PPFIBP2: variants seen among roughly 807,000 people sequenced by gnomAD.
PPFIBP2 encodes liprin-beta-2.
A neutral mutation model predicts 118.3 loss-of-function variants in PPFIBP2; 118 were observed. The observed-to-expected ratio is 1.00, with a 90% CI of 0.86 to 1.16. PPFIBP2 has a LOEUF of 1.16. Among genes scored for constraint, PPFIBP2 ranks in the 50% most tolerant of loss-of-function variants. PPFIBP2 has a pLI of 0.00. For synonymous variants in PPFIBP2, 414 were observed against 397.4 expected, an observed-to-expected ratio of 1.04 and a Z score of -0.50; for missense variants, 1,195 against 1,073.1, an observed-to-expected ratio of 1.11 and a Z score of -1.59.
At chr11:7,648,706 C>T in intron 18 of PPFIBP2, 94 bp from the exon 19 acceptor site, 1 of 1,424,842 alleles carries the variant, frequency 7.0e-7, no homozygotes, top group Non-Finnish European at 9.9e-7. Context: ...AGATACACTG[C>T]CATACTCAGA....
intron 2 of PPFIBP2, 142 bp from the exon 3 acceptor site, chr11:7,565,411 C>T (rs1190627777): frequency 5.0e-6 from 4 of 805,710 alleles, no homozygotes; most frequent in East Asian, 4.9e-5. Flanking sequence ...GCTGAGACTA[C>T]AGGCGTGCAC....
chr11:7,642,436 G>C lies in PPFIBP2; in HGVS notation c.1646+10G>C. 16 of 1,607,576 alleles carry C rather than the reference G, an allele frequency of 1.0e-5. No individual in the cohort carries two copies. Among genetic ancestry groups the C allele is most frequent in the Non-Finnish European group, 1.4e-5 (16 of 1,176,260 alleles). ...CCAAGGGACAGAAAAGGTAAGGCTTGACCCACTTTCCTTTGATCTCCCTGC... is the reference window on the plus strand; with the variant it reads ...CCAAGGGACAGAAAAGGTAAGGCTTCACCCACTTTCCTTTGATCTCCCTGC... On this transcript the variant is annotated intron_variant, in intron 17 of 23. Transcript: ENST00000299492.
At chr11:7,639,354 T>G (rs981530285) in intron 14 of PPFIBP2, among the ~76,000 whole-genome samples, 3 of 152,236 alleles carry the variant, frequency 2.0e-5, no homozygotes, top group African/African-American at 7.2e-5. Context: ...CAGCTTTTAT[T>G]AGAATGCCAA....
intron 1 of PPFIBP2, among the ~76,000 whole-genome samples, chr11:7,546,842 C>T (rs1564958855): frequency 1.3e-5 from 2 of 152,234 alleles, no homozygotes; most frequent in Non-Finnish European, 2.9e-5. Context: ...GGAACTTGCA[C>T]ACCTGCCTCT....
chr11:7,556,230 C>A (rs537414135), intron 2 of PPFIBP2, among the ~76,000 whole-genome samples: 1 of 152,028 alleles, frequency 6.6e-6, no homozygotes, highest in Non-Finnish European at 1.5e-5. Flanking sequence ...CCGAGGCGGG[C>A]GAATCACGAG....
intron 1 of PPFIBP2, among the ~76,000 whole-genome samples, chr11:7,522,817 A>C (rs573645378): frequency 1.3e-5 from 2 of 152,200 alleles, no homozygotes; most frequent in Non-Finnish European, 2.9e-5. Flanking sequence ...TTAGGGTATC[A>C]GCGCTCTTAT....
chr11:7,538,947 A>G (rs888574835), intron 1 of PPFIBP2, among the ~76,000 whole-genome samples: 1 of 152,200 alleles, frequency 6.6e-6, no homozygotes, highest in Non-Finnish European at 1.5e-5. Context: ...GGAACCTTGT[A>G]TGCGCCAAAT....
At chr11:7,599,479 A>G (rs1345871252) in intron 5 of PPFIBP2, among the ~76,000 whole-genome samples, 1 of 152,142 alleles carries the variant, frequency 6.6e-6, no homozygotes, top group African/African-American at 2.4e-5. Flanking sequence ...ATAGCTCTCT[A>G]TGACAGTGTT....
downstream of PPFIBP2, among the ~76,000 whole-genome samples, chr11:7,661,215 T>C (rs1854883688): frequency 6.8e-6 from 1 of 147,592 alleles, no homozygotes; most frequent in Non-Finnish European, 1.5e-5. Context: ...GCTCTTGCTT[T>C]TCTAGTTCTT....
chr11:7,593,262 C>T (rs773147022), intron 4 of PPFIBP2, 38 bp downstream of exon 4: 2 of 1,605,616 alleles, frequency 1.2e-6, no homozygotes, highest in African/African-American at 1.3e-5. Context: ...TATCCTGTTA[C>T]CTCCTACTAT....
intron 5 of PPFIBP2, among the ~76,000 whole-genome samples, chr11:7,607,768 G>A (rs1343051918): frequency 6.6e-6 from 1 of 151,920 alleles, no homozygotes; most frequent in Admixed American, 6.6e-5. Context: ...GTACATTATA[G>A]TCCATCTCTA....
chr11:7,605,521 C>A (rs1847230923), intron 5 of PPFIBP2, among the ~76,000 whole-genome samples: 1 of 152,162 alleles, frequency 6.6e-6, no homozygotes, highest in Non-Finnish European at 1.5e-5. Flanking sequence ...CTTTCACTAG[C>A]AATTTTTAAG....
At chr11:7,555,916 T>C (rs1479817980) in intron 2 of PPFIBP2, among the ~76,000 whole-genome samples, 1 of 152,190 alleles carries the variant, frequency 6.6e-6, no homozygotes, top group Admixed American at 6.5e-5. Context: ...TGTTTGAAGA[T>C]TTTTTTCTTT....
intron 1 of PPFIBP2, among the ~76,000 whole-genome samples, chr11:7,515,303 T>G (rs1455926791): frequency 1.3e-5 from 2 of 152,220 alleles, no homozygotes; most frequent in African/African-American, 4.8e-5. Context: ...GTAATACTAT[T>G]TTAAGATTTG....
chr11:7,576,345 AG>A (rs1196804884), intron 3 of PPFIBP2: 1 of 152,406 alleles, frequency 6.6e-6, no homozygotes, highest in Non-Finnish European at 1.5e-5. Flanking sequence ...CCATAGCCAA[AG>A]GCCACACATT....
At chr11:7,651,473 A>C in intron 22 of PPFIBP2, 183 bp from the exon 23 acceptor site, 1 of 557,502 alleles carries the variant, frequency 1.8e-6, no homozygotes, top group South Asian at 2.7e-5. Context: ...CACATGTGCT[A>C]GTATGTGCTC....
At chr11:7,665,381 G>A in the PPFIBP2 span, 33 of 1,570,080 alleles carry the variant, frequency 2.1e-5, no homozygotes, top group Non-Finnish European at 2.8e-5. Flanking sequence ...GTGTTAGTAG[G>A]TGAAAATCAT....
At chr11:7,665,490 G>T in the PPFIBP2 span, 8 of 1,613,958 alleles carry the variant, frequency 5.0e-6, no homozygotes, top group East Asian at 2.2e-5. Flanking sequence ...TTCGCTGGAG[G>T]AGGAAGGTGC....
At chr11:7,548,095 T>A (rs1835070952) in intron 1 of PPFIBP2, among the ~76,000 whole-genome samples, 1 of 152,242 alleles carries the variant, frequency 6.6e-6, no homozygotes, top group African/African-American at 2.4e-5. Flanking sequence ...AATCATGACA[T>A]CTATGAGTTA....
Sources: allele counts gnomAD v4.1 joint callset (sites outside exome capture counted in the v4.1 genomes callset), GRCh38; gene constraint gnomAD v4.1.1; transcripts MANE v1.5; gene names NCBI Gene and HGNC (gene_info 2026-07-23, HGNC 2026-07-21).